RAPGEF4: variants seen among roughly 807,000 people sequenced by gnomAD.
RAPGEF4 encodes RAP guanine-nucleotide-exchange factor (GEF) 4.
RAPGEF4 carries 66 observed loss-of-function variants against 147.9 expected under a neutral mutation model. The observed-to-expected ratio is 0.45, with a 90% CI of 0.37 to 0.55. The LOEUF is 0.55. Among genes scored for constraint, RAPGEF4 ranks in the 20% least tolerant of loss-of-function variants. The pLI is 0.00. For missense variants in RAPGEF4, 1,071 were observed against 1,257.3 expected (o/e 0.85, Z 2.24); for synonymous variants, 419 against 442.7 (o/e 0.95, Z 0.67).
chr2:172,856,301 G>A (rs983622380), intron 4 of RAPGEF4, among the ~76,000 whole-genome samples: 1 of 152,058 alleles, frequency 6.6e-6, no homozygotes, highest in Non-Finnish European at 1.5e-5. Context: ...ATTTTCACTT[G>A]TTACTTTTTA....
intron 4 of RAPGEF4, among the ~76,000 whole-genome samples, chr2:172,857,949 G>C (rs1251560315): frequency 7.5e-6 from 1 of 132,698 alleles, no homozygotes; most frequent in Non-Finnish European, 1.6e-5. Context: ...GGAAACTGGT[G>C]AAGTTTATTA....
At chr2:172,798,910 C>T (rs1686677865) in intron 3 of RAPGEF4, among the ~76,000 whole-genome samples, 1 of 152,194 alleles carries the variant, frequency 6.6e-6, no homozygotes, top group Non-Finnish European at 1.5e-5. Flanking sequence ...TTCTGTGCAT[C>T]AGTGCATGAA....
intron 29 of RAPGEF4, among the ~76,000 whole-genome samples, chr2:173,045,620 C>T (rs934706232): frequency 9.2e-5 from 14 of 152,114 alleles, no homozygotes; most frequent in Admixed American, 6.5e-4. Context: ...GTCATGGTGC[C>T]CGTGGGAGTC....
At chr2:172,791,587 CAGAT>C (rs910484495) in intron 1 of RAPGEF4, among the ~76,000 whole-genome samples, 2 of 152,114 alleles carry the variant, frequency 1.3e-5, no homozygotes, top group African/African-American at 4.8e-5. Flanking sequence ...AAATTAATGA[CAGAT>C]AGAAGGTTGC....
At chr2:172,735,771 C>A (rs986602610), upstream of RAPGEF4, 52 of 206,702 alleles carry the variant, frequency 2.5e-4, 1 homozygote, top group Admixed American at 2.3e-3. Flanking sequence ...CGGCCCTCCC[C>A]GCACCCGCGT....
intron 1 of RAPGEF4, among the ~76,000 whole-genome samples, chr2:172,768,121 T>G (rs1697021677): frequency 6.6e-6 from 1 of 152,096 alleles, no homozygotes; most frequent in Non-Finnish European, 1.5e-5. Context: ...CTGATTCATG[T>G]TTTGATGCGT....
At chr2:172,829,191 A>G (rs1690016899) in intron 4 of RAPGEF4, among the ~76,000 whole-genome samples, 2 of 152,228 alleles carry the variant, frequency 1.3e-5, no homozygotes, top group Middle Eastern at 3.2e-3. Context: ...AGATCCATTT[A>G]GTTTCTCCTG....
chr2:173,045,307 C>T (rs889135308), intron 29 of RAPGEF4, among the ~76,000 whole-genome samples: 1 of 152,188 alleles, frequency 6.6e-6, no homozygotes, highest in Non-Finnish European at 1.5e-5. Flanking sequence ...AGTGGCATGA[C>T]TTCTTTTTAA....
intron 22 of RAPGEF4, 88 bp from the exon 23 acceptor site, chr2:173,020,530 C>T: frequency 2.9e-6 from 3 of 1,050,458 alleles, no homozygotes; most frequent in Non-Finnish European, 4.5e-6. Context: ...GGTAATTCAC[C>T]AAGCTGGCAA....
intron 10 of RAPGEF4, among the ~76,000 whole-genome samples, chr2:172,972,744 T>G (rs1690627406): frequency 6.6e-6 from 1 of 152,234 alleles, no homozygotes; most frequent in African/African-American, 2.4e-5. Flanking sequence ...TGAACTTAGC[T>G]GCTCATCTAC....
chr2:173,005,258 T>C (rs946418084), intron 17 of RAPGEF4, among the ~76,000 whole-genome samples: 3 of 152,194 alleles, frequency 2.0e-5, no homozygotes, highest in African/African-American at 7.2e-5. Context: ...ATGCTTCTGA[T>C]GTGTATTCCC....
At chr2:172,907,657 G>A (rs1168804185) in intron 4 of RAPGEF4, among the ~76,000 whole-genome samples, 1 of 152,168 alleles carries the variant, frequency 6.6e-6, no homozygotes, top group African/African-American at 2.4e-5. Flanking sequence ...CAGATGATCA[G>A]TAGGTGTGTT....
At chr2:173,000,500 A>G (rs995373950) in intron 16 of RAPGEF4, among the ~76,000 whole-genome samples, 1 of 152,218 alleles carries the variant, frequency 6.6e-6, no homozygotes, top group Non-Finnish European at 1.5e-5. Context: ...GAGCTTTCCC[A>G]TCTGGCTAGC....
At chr2:173,025,511 C>T (rs902233982) in intron 23 of RAPGEF4, among the ~76,000 whole-genome samples, 1 of 152,174 alleles carries the variant, frequency 6.6e-6, no homozygotes, top group African/African-American at 2.4e-5. Flanking sequence ...GGCACGATCT[C>T]GGCTCACTGC....
intron 4 of RAPGEF4, among the ~76,000 whole-genome samples, chr2:172,893,017 A>G (rs1299796899): frequency 1.3e-5 from 2 of 152,236 alleles, no homozygotes; most frequent in Admixed American, 6.5e-5. Context: ...TATTTATGGC[A>G]TCTCATTATG....
At chr2:172,826,325 G>A (rs553686740) in intron 4 of RAPGEF4, among the ~76,000 whole-genome samples, 38 of 152,262 alleles carry the variant, frequency 2.5e-4, no homozygotes, top group Non-Finnish European at 4.4e-4. Context: ...CTCTTTAATA[G>A]TTGTGGAGAA....
chr2:172,820,970 T>C (rs1689007327), intron 4 of RAPGEF4, among the ~76,000 whole-genome samples: 1 of 152,220 alleles, frequency 6.6e-6, no homozygotes, highest in Non-Finnish European at 1.5e-5. Flanking sequence ...AAGGATTGTT[T>C]GAAGCAACAG....
chr2:173,043,625 A>G (rs1204143828), intron 29 of RAPGEF4, among the ~76,000 whole-genome samples: 1 of 152,242 alleles, frequency 6.6e-6, no homozygotes, highest in East Asian at 1.9e-4. Context: ...GGGCAGCCAC[A>G]AAGTCCTGGT....
intron 1 of RAPGEF4, among the ~76,000 whole-genome samples, chr2:172,744,748 C>T (rs1487173666): frequency 6.6e-6 from 1 of 151,962 alleles, no homozygotes; most frequent in South Asian, 2.1e-4. Context: ...AATGGATGCT[C>T]TTGTTTTGGT....
Sources: gnomAD v4.1 joint callset for allele counts (sites outside exome capture counted in the v4.1 genomes callset) on GRCh38, gnomAD v4.1.1 for gene constraint, MANE v1.5 for transcripts, NCBI Gene and HGNC (gene_info 2026-07-23, HGNC 2026-07-21) for gene names.